Variants in ADAMTS14 observed in about 807,000 individuals in gnomAD.
The protein encoded by ADAMTS14 is A disintegrin and metalloproteinase with thrombospondin motifs 14.
A neutral mutation model predicts 128.6 loss-of-function variants in ADAMTS14; 100 were observed. That is an observed-to-expected ratio of 0.78 (90% CI 0.66 to 0.92). The LOEUF (loss-of-function observed/expected upper bound fraction) is 0.92, where lower values mean the gene tolerates loss of function less well. Among genes scored for constraint, ADAMTS14 ranks in the 40% least tolerant of loss-of-function variants. ADAMTS14 has a pLI of 0.00. For synonymous variants in ADAMTS14, 665 were observed against 653.8 expected (o/e 1.02, Z -0.26); for missense variants, 1,562 against 1,658.6 (o/e 0.94, Z 1.01).
rs575119779 is a variant in ADAMTS14 at position 70,689,180 on chromosome 10, A to G, written c.523-13132A>G. On this transcript the variant is annotated intron_variant, in intron 2 of 21. Coordinates refer to ENST00000373207, the MANE Select transcript of ADAMTS14 (RefSeq NM_080722.4). ...CGCGTAGGGAGATGCTAGGTAAAAT[A>G]TGCCGTCCCCTAATCCACGGCCACA... 6.3e-5 allele frequency among the ~76,000 whole-genome samples: 9 copies of G among 143,904 alleles called. No individual in the cohort carries two copies. The East Asian group carries it at 1.6e-3, about 25-fold the overall frequency. 94.4% of individuals were successfully genotyped at this position (143,904 alleles called of 152,430 possible). A position where few individuals can be genotyped will look rare whatever the true frequency, so the allele number is the denominator to read the frequency against.
At chr10:70,674,174 G>A (rs1839569413) in intron 1 of ADAMTS14, among the ~76,000 whole-genome samples, 1 of 152,202 alleles carries the variant, frequency 6.6e-6, no homozygotes, top group South Asian at 2.1e-4. Flanking sequence ...GCACACTGGG[G>A]AGTTTGGGCA....
chr10:70,708,877 G>A, intron 4 of ADAMTS14, 99 bp downstream of exon 4: 2 of 978,996 alleles, frequency 2.0e-6, no homozygotes, highest in Admixed American at 3.0e-5. Context: ...GAAGTTTCTG[G>A]GGCCTGGTAT....
rs1842368758 is a variant in ADAMTS14, at chr10:70,752,143, T to A, written c.2645T>A (p.Met882Lys). 1 of 1,613,370 alleles carries A rather than the reference T, an allele frequency of 6.2e-7. No homozygotes were observed. The highest frequency in any genetic ancestry group is 8.5e-7 in the Non-Finnish European group (1 of 1,179,954). ...TGCCGGCGCAGACGAGACCACCACA[T>A]GGTGCAGCGACACCTGTGTGACCAC... is the stretch of plus-strand genomic sequence containing the variant. Reference protein sequence around the residue: ...YGCRRRRDHHMVQRHLCDHKK... With the variant: ...YGCRRRRDHHKVQRHLCDHKK... The change falls in exon 18 of 22, where the codon ATG (methionine) becomes AAG (lysine). Residue 882 changes from methionine to lysine, a missense_variant. Coordinates refer to ENST00000373207, the MANE Select transcript of ADAMTS14 (RefSeq NM_080722.4).
At chr10:70,737,804 A>C (rs1486045457) in intron 10 of ADAMTS14, among the ~76,000 whole-genome samples, 1 of 152,158 alleles carries the variant, frequency 6.6e-6, no homozygotes, top group Non-Finnish European at 1.5e-5. Context: ...TGGGCTGCAT[A>C]TTGGAATCAT....
At chr10:70,747,884 A>C (rs1249982085) in intron 15 of ADAMTS14, among the ~76,000 whole-genome samples, 1 of 151,930 alleles carries the variant, frequency 6.6e-6, no homozygotes, top group African/African-American at 2.4e-5. Flanking sequence ...GAGTGTGTGC[A>C]TGCACGTGCA....
intron 9 of ADAMTS14, 141 bp downstream of exon 9, chr10:70,735,442 A>G: frequency 8.0e-7 from 1 of 1,256,458 alleles, no homozygotes; most frequent in South Asian, 1.6e-5. Flanking sequence ...AGTGCCAGCC[A>G]CCATGCAGGG....
intron 2 of ADAMTS14, among the ~76,000 whole-genome samples, chr10:70,689,646 G>C (rs1033317540): frequency 6.9e-6 from 1 of 145,724 alleles, no homozygotes; most frequent in African/African-American, 2.4e-5. Context: ...GCCACCTCCT[G>C]TCTCTCCCAG....
In ADAMTS14 at chr10:70,735,294, G is replaced by T. The variant is rs200090127; in HGVS notation, c.1478G>T (p.Cys493Phe). The T allele has an allele frequency of 2.4e-5, 39 of 1,613,790 alleles. No individual in the cohort carries two copies. Among genetic ancestry groups the T allele is most frequent in the Admixed American group, 2.0e-4 (12 of 59,992 alleles). Residue 493 changes from cysteine (C) to phenylalanine (F), a missense_variant, in exon 9 of 22, where the codon TGC becomes TTC. By Grantham distance (205) the Cys-to-Phe change is radical (BLOSUM62 -2). Coordinates refer to ENST00000373207, the MANE Select transcript of ADAMTS14 (RefSeq NM_080722.4). ...GACTTTGGCAGTGGCTACCAGACCTGCTTGGCAGTAAGTAGCCATCTGGCC... is the reference window on the plus strand; with the variant it reads ...GACTTTGGCAGTGGCTACCAGACCTTCTTGGCAGTAAGTAGCCATCTGGCC... ...RFDFGSGYQT[C>F]LAFRTFEPCK...
At chr10:70,688,236 C>T (rs370210435) in intron 2 of ADAMTS14, among the ~76,000 whole-genome samples, 20 of 49,368 alleles carry the variant, frequency 4.1e-4, no homozygotes, top group African/African-American at 6.6e-4. Flanking sequence ...GATGGGGCGG[C>T]GGGGCAGAGG....
Position 70,707,391 on chromosome 10 carries a change from A to G in ADAMTS14, c.680-1197A>G, listed in dbSNP as rs76483364. Among the ~76,000 whole-genome samples, 929 of 152,302 alleles carry G rather than the reference A, an allele frequency of 6.1e-3. 8 individuals carry two copies. Among genetic ancestry groups the G allele is most frequent in the Non-Finnish European group, 9.3e-3 (632 of 68,022 alleles). ...ATGAAGGTTCTTAGAAATTAATGGT[A>G]TGAGTATCAAAGCTTCAGAGTGAGA... On this transcript the variant is annotated intron_variant, in intron 3 of 21. Transcript: ENST00000373207.
chr10:70,745,545 T>C, intron 15 of ADAMTS14: 2 of 545,584 alleles, frequency 3.7e-6, no homozygotes, highest in Non-Finnish European at 6.6e-6. Flanking sequence ...TTTCTACCCC[T>C]GTACCCTGGG....
At chr10:70,694,794 C>T (rs953115180) in intron 2 of ADAMTS14, among the ~76,000 whole-genome samples, 3 of 152,172 alleles carry the variant, frequency 2.0e-5, no homozygotes, top group Non-Finnish European at 4.4e-5. Flanking sequence ...CATTGATGGG[C>T]ATTTGGCTTG....
chr10:70,727,892 G>A (rs1343950403), intron 4 of ADAMTS14, among the ~76,000 whole-genome samples: 2 of 152,120 alleles, frequency 1.3e-5, no homozygotes, highest in African/African-American at 4.8e-5. Context: ...TCAGGAGATC[G>A]AGACCATCCT....
At chr10:70,738,690 G>C in intron 10 of ADAMTS14, 152 bp from the exon 11 acceptor site, 1 of 1,022,980 alleles carries the variant, frequency 9.8e-7, no homozygotes, top group Non-Finnish European at 1.4e-6. Context: ...GCCCAGAAAG[G>C]CAAGCCTTTT....
intron 2 of ADAMTS14, among the ~76,000 whole-genome samples, chr10:70,691,146 C>T (rs1431480219): frequency 6.9e-6 from 1 of 144,748 alleles, no homozygotes; most frequent in Non-Finnish European, 1.6e-5. Flanking sequence ...GGACATCTGC[C>T]TGTTGGCGGG....
In ADAMTS14 at chr10:70,760,971, G is replaced by A. The variant is rs1450299688; in HGVS notation, c.*118G>A. 7 of 1,357,292 alleles carry A rather than the reference G, an allele frequency of 5.2e-6. No homozygotes were observed. Among genetic ancestry groups the A allele is most frequent in the Admixed American group, 2.9e-5 (1 of 34,288 alleles). 84.1% of individuals were successfully genotyped at this position (1,357,292 alleles called of 1,614,324 possible). Reference sequence around the variant, plus strand: ...GCACAGACTTCATTTTAAATCATTCGCCTTCTTCTCGTTTGGGGCTGTGAT... The same window carrying A: ...GCACAGACTTCATTTTAAATCATTCACCTTCTTCTCGTTTGGGGCTGTGAT... On this transcript the variant is annotated 3_prime_UTR_variant, in exon 22 of 22. Coordinates refer to ENST00000373207, the MANE Select transcript of ADAMTS14 (RefSeq NM_080722.4).
intron 19 of ADAMTS14, 58 bp from the exon 20 acceptor site, chr10:70,757,904 T>G: frequency 1.3e-6 from 2 of 1,530,232 alleles, no homozygotes; most frequent in Non-Finnish European, 1.7e-6. Flanking sequence ...CTCGTCTTTC[T>G]TCTCTCCACC....
chr10:70,744,218 C>T (rs372817361), intron 14 of ADAMTS14, 29 bp downstream of exon 14: 20 of 1,490,530 alleles, frequency 1.3e-5, no homozygotes, highest in Middle Eastern at 1.8e-4. Flanking sequence ...GGGGGGATGA[C>T]GAGGGCTGAC....
At chr10:70,747,540 C>T (rs1226377943) in intron 15 of ADAMTS14, among the ~76,000 whole-genome samples, 1 of 152,208 alleles carries the variant, frequency 6.6e-6, no homozygotes, top group Non-Finnish European at 1.5e-5. Flanking sequence ...AGCTCACGGA[C>T]ACTGCATCCC....
Sources: gnomAD v4.1 joint callset for allele counts (sites outside exome capture counted in the v4.1 genomes callset) on GRCh38, gnomAD v4.1.1 for gene constraint, MANE v1.5 for transcripts, NCBI Gene and HGNC (gene_info 2026-07-23, HGNC 2026-07-21) for gene names.